GRIA1: variants seen among roughly 807,000 people sequenced by gnomAD.
The protein encoded by GRIA1 is glutamate receptor 1.
A neutral mutation model predicts 99.2 loss-of-function variants in GRIA1; 31 were observed. The ratio of observed to expected loss-of-function variants is 0.31; its 90% CI spans 0.23 to 0.42. The LOEUF (loss-of-function observed/expected upper bound fraction) is 0.42. GRIA1 is among the 10% of genes least tolerant of loss of function. GRIA1 has a pLI of 1.00. For missense variants in GRIA1, 782 were observed against 1,157.5 expected (o/e 0.68, Z 4.71); for synonymous variants, 438 against 432.4 (o/e 1.01, Z -0.16).
At chr5:153,717,090 G>A (rs889496209) in intron 11 of GRIA1, among the ~76,000 whole-genome samples, 6 of 152,160 alleles carry the variant, frequency 3.9e-5, no homozygotes, top group African/African-American at 1.4e-4. Flanking sequence ...CTGGGAAGTC[G>A]TGGGTTATGG....
At chr5:153,494,584 A>T (rs1022237645) in intron 2 of GRIA1, among the ~76,000 whole-genome samples, 1 of 152,226 alleles carries the variant, frequency 6.6e-6, no homozygotes, top group Admixed American at 6.5e-5. Flanking sequence ...CATTTTAAAA[A>T]TAGCTTGAGG....
At chr5:153,593,375 C>T (rs1276577858) in intron 2 of GRIA1, among the ~76,000 whole-genome samples, 1 of 152,134 alleles carries the variant, frequency 6.6e-6, no homozygotes, top group Admixed American at 6.6e-5. Flanking sequence ...GTAGGGGGCA[C>T]AAACATGGAG....
At chr5:153,535,136 G>A (rs1758448578) in intron 2 of GRIA1, among the ~76,000 whole-genome samples, 1 of 152,092 alleles carries the variant, frequency 6.6e-6, no homozygotes, top group Non-Finnish European at 1.5e-5. Context: ...TGGCCAGGCT[G>A]GTCTTGAACT....
At chr5:153,796,013 CT>C (rs11426974) in intron 14 of GRIA1, among the ~76,000 whole-genome samples, 131 of 130,206 alleles carry the variant, frequency 1.0e-3, no homozygotes, top group Non-Finnish European at 1.3e-3. Context: ...TTTTTTTTAA[CT>C]TTTTTTTTTT....
In GRIA1 at chr5:153,788,085, GAAA is replaced by G. The variant is rs34230296; in HGVS notation, c.2271-6525_2271-6523del. Among the ~76,000 whole-genome samples the G allele has an allele frequency of 2.7e-5, 4 of 147,460 alleles. No individual in the cohort carries two copies. The East Asian group carries it at 6.0e-4, about 22-fold the overall frequency. ...ACAGAGCAAGACTCCTTCTCAAAAA[GAAA>G]AAAAAAAAAATTAGTGCATCCAAAG... On this transcript the variant is annotated intron_variant, in intron 13 of 15. Transcript: ENST00000285900.
chr5:153,797,570 T>C (rs1324088643), intron 14 of GRIA1, among the ~76,000 whole-genome samples: 1 of 152,188 alleles, frequency 6.6e-6, no homozygotes, highest in African/African-American at 2.4e-5. Context: ...GGGACACCCA[T>C]GTTACACTCA....
In GRIA1 at chr5:153,674,538, T is replaced by C. The variant is rs1561754150; in HGVS notation, c.738T>C (p.Ser246=). Residue 246 remains serine (S), a synonymous_variant, in exon 6 of 16, where the codon AGT becomes AGC. Coordinates refer to ENST00000285900, the MANE Select transcript of GRIA1 (RefSeq NM_000827.4). ...TTGACTTAAACAAATTCAAGGAGAG[T>C]GGCGCCAATGTGACAGGTTTCCAGC... ...MDIDLNKFKE[S]GANVTGFQLV... 3 of 1,613,830 alleles carry C rather than the reference T, an allele frequency of 1.9e-6. No individual in the cohort carries two copies. Among genetic ancestry groups the C allele is most frequent in the Non-Finnish European group, 1.7e-6 (2 of 1,179,942 alleles).
At chr5:153,742,717 GCAATGGAAGAT>G (rs1761892469) in intron 11 of GRIA1, among the ~76,000 whole-genome samples, 1 of 152,272 alleles carries the variant, frequency 6.6e-6, no homozygotes, top group Non-Finnish European at 1.5e-5. Flanking sequence ...CTCCAAGCCA[GCAATGGAAGAT>G]CAACCTTCTC....
intron 2 of GRIA1, among the ~76,000 whole-genome samples, chr5:153,494,746 G>A (rs1001053115): frequency 2.0e-5 from 3 of 152,162 alleles, no homozygotes; most frequent in Admixed American, 2.0e-4. Context: ...GAGTTTTCCT[G>A]GCAACTAGGA....
chr5:153,811,322 C>A lies in GRIA1; in HGVS notation c.*97C>A. The A allele has an allele frequency of 1.3e-6, 1 of 755,436 alleles. No homozygotes were observed. Among genetic ancestry groups the A allele is most frequent in the Non-Finnish European group, 2.3e-6 (1 of 434,754 alleles). 46.8% of individuals were successfully genotyped at this position (755,436 alleles called of 1,614,324 possible). On this transcript the variant is annotated 3_prime_UTR_variant, in exon 16 of 16. Coordinates refer to ENST00000285900, the MANE Select transcript of GRIA1 (RefSeq NM_000827.4). ...AAAACAACAACAAAATGAAACGCAA[C>A]CACCACCAACCACTGCGACCACAAG...
chr5:153,682,036 C>CAA (rs11351483), intron 7 of GRIA1, among the ~76,000 whole-genome samples: 5 of 133,666 alleles, frequency 3.7e-5, no homozygotes, highest in South Asian at 2.4e-4. Flanking sequence ...GAGACTATGT[C>CAA]AAAAAAAAAA....
At chr5:153,605,829 G>T (rs992885387) in intron 2 of GRIA1, among the ~76,000 whole-genome samples, 1 of 151,974 alleles carries the variant, frequency 6.6e-6, no homozygotes, top group African/African-American at 2.4e-5. Context: ...TTGATTTTAG[G>T]TATTCTAAAT....
intron 2 of GRIA1, among the ~76,000 whole-genome samples, chr5:153,625,466 G>T (rs1465220684): frequency 6.6e-6 from 1 of 152,128 alleles, no homozygotes; most frequent in Admixed American, 6.5e-5. Context: ...CTTCCTCTTT[G>T]TCATCAAGCA....
chr5:153,659,286 T>G (rs1008755223), intron 5 of GRIA1, among the ~76,000 whole-genome samples: 1 of 152,224 alleles, frequency 6.6e-6, no homozygotes, highest in African/African-American at 2.4e-5. Flanking sequence ...TGCTTGCATA[T>G]ATATCCATAT....
chr5:153,749,487 C>T (rs989174072), intron 11 of GRIA1, among the ~76,000 whole-genome samples: 6 of 152,104 alleles, frequency 3.9e-5, no homozygotes, highest in African/African-American at 1.2e-4. Flanking sequence ...CGGAGGAAGG[C>T]AAGGGGGAGC....
chr5:153,523,173 C>T (rs1261015168), intron 2 of GRIA1, among the ~76,000 whole-genome samples: 1 of 152,078 alleles, frequency 6.6e-6, no homozygotes, highest in Non-Finnish European at 1.5e-5. Flanking sequence ...GAGGGCAATC[C>T]GTAATTCACT....
intron 10 of GRIA1, among the ~76,000 whole-genome samples, chr5:153,701,552 C>T (rs938915221): frequency 5.9e-5 from 8 of 136,272 alleles, no homozygotes; most frequent in South Asian, 2.4e-4. Flanking sequence ...ACCTGGGAGG[C>T]GGAGCTTGCA....
At chr5:153,791,066 T>C (rs1223699855) in intron 13 of GRIA1, among the ~76,000 whole-genome samples, 4 of 152,106 alleles carry the variant, frequency 2.6e-5, no homozygotes, top group African/African-American at 7.2e-5. Flanking sequence ...GCAAATATCA[T>C]AGGGCAGTTT....
intron 2 of GRIA1, among the ~76,000 whole-genome samples, chr5:153,511,039 A>G (rs879943706): frequency 6.6e-6 from 1 of 152,180 alleles, no homozygotes; most frequent in African/African-American, 2.4e-5. Context: ...TAAAATGCTA[A>G]TGTGTCTTGT....
Sources: allele counts gnomAD v4.1 joint callset (sites outside exome capture counted in the v4.1 genomes callset), GRCh38; gene constraint gnomAD v4.1.1; transcripts MANE v1.5; gene names NCBI Gene and HGNC (gene_info 2026-07-23, HGNC 2026-07-21).